Variants in TPD52L3 observed in about 807,000 individuals in gnomAD.
The protein encoded by TPD52L3 is tumor protein D55.
In TPD52L3, 12 loss-of-function variants were observed where a neutral mutation model predicts 8.7. That is an observed-to-expected ratio of 1.38 (90% CI 0.89 to 2.24). The LOEUF (loss-of-function observed/expected upper bound fraction) is 2.24, where lower values mean the gene tolerates loss of function less well. TPD52L3 is among the 30% of genes most tolerant of loss of function. The pLI is 0.00. For synonymous variants in TPD52L3, 79 were observed against 66.8 expected (o/e 1.18, Z -0.89); for missense variants, 207 against 158.7 (o/e 1.30, Z -1.64).
chr9:6,331,091 T>G lies in TPD52L3; in HGVS notation c.*72T>G. 1 of 1,521,582 alleles carries G rather than the reference T, an allele frequency of 6.6e-7. No individual in the cohort carries two copies. The highest frequency in any genetic ancestry group is 9.0e-7 in the Non-Finnish European group (1 of 1,108,598). 94.3% of individuals were successfully genotyped at this position (1,521,582 alleles called of 1,614,324 possible). A position where few individuals can be genotyped will look rare whatever the true frequency, so the allele number is the denominator to read the frequency against. On this transcript the variant is annotated 3_prime_UTR_variant, in exon 2 of 2. Coordinates refer to ENST00000314556, the MANE Select transcript of TPD52L3 (RefSeq NM_001001874.3). Reference sequence around the variant, plus strand: ...CAACATGAACTTGTTCACAAGTTCCTTCTGCTTTTAAACAAAAATATCGTG... The same window carrying G: ...CAACATGAACTTGTTCACAAGTTCCGTCTGCTTTTAAACAAAAATATCGTG...
At chr9:6,330,095 T>C (rs1818118856) in intron 1 of TPD52L3, 3 of 1,589,860 alleles carry the variant, frequency 1.9e-6, no homozygotes, top group Non-Finnish European at 2.6e-6. Flanking sequence ...AAAGAACGTC[T>C]GTCCCCTGTG....
rs984154550 is a variant in TPD52L3 at position 6,328,934 on chromosome 9, G to A, written c.339G>A (p.Lys113=). The change falls in exon 1 of 2, where the codon AAG becomes AAA. Residue 113 remains lysine (K), a synonymous_variant. Transcript: ENST00000314556. ...TLICRKLGGV[K]KSATFRSFEG... ...TCTGCAGGAAGCTTGGAGGCGTGAA[G>A]AAGTCGGCCACATTCAGATCTTTTG... 4 of 1,614,082 alleles carry A rather than the reference G, an allele frequency of 2.5e-6. No homozygotes were observed. In the African/African-American group the frequency reaches 5.3e-5, roughly 22 times the overall value.
rs1818143164 is a variant in TPD52L3, at chr9:6,331,119, T to C, written c.*100T>C. 7.6e-7 allele frequency: 1 copy of C among 1,322,758 alleles called. No homozygotes were observed. Among genetic ancestry groups the C allele is most frequent in the South Asian group, 1.3e-5 (1 of 75,772 alleles). The allele number at this position is 1,322,758 out of a possible 1,614,324, so 81.9% of individuals were successfully genotyped here. ...TGCTTTTAAACAAAAATATCGTGTT[T>C]ATTCAAAGCCAATCTGAGACCCTAC... On this transcript the variant is annotated 3_prime_UTR_variant, in exon 2 of 2. Transcript: ENST00000314556.
intron 1 of TPD52L3, chr9:6,329,421 T>C (rs1433242887): frequency 9.5e-7 from 1 of 1,053,544 alleles, no homozygotes; most frequent in Admixed American, 5.0e-5. Flanking sequence ...TTAGCTTTCC[T>C]GAGACTGTAT....
Position 6,328,557 on chromosome 9 carries a change from G to T in TPD52L3, c.-39G>T. On this transcript the variant is annotated 5_prime_UTR_variant, in exon 1 of 2. Transcript: ENST00000314556. ...ATTCGACTCTTTCTACCAAGAATTG[G>T]ACCTGGACTCTCTTAACGAAGATCT... The T allele has an allele frequency of 1.3e-6, 2 of 1,595,970 alleles. No individual in the cohort carries two copies. Among genetic ancestry groups the T allele is most frequent in the Non-Finnish European group, 1.7e-6 (2 of 1,173,414 alleles).
Position 6,328,939 on chromosome 9 carries a change from C to T in TPD52L3, c.344C>T (p.Ser115Leu), listed in dbSNP as rs751092913. The part of the protein sequence containing the change: ...ICRKLGGVKK[S>L]ATFRSFEGLI... ...AGGAAGCTTGGAGGCGTGAAGAAGT[C>T]GGCCACATTCAGATCTTTTGAAGGT... The change falls in exon 1 of 2, where the codon TCG becomes TTG. Residue 115 changes from serine (S) to leucine (L), a missense_variant. Transcript: ENST00000314556. 9.3e-6 allele frequency: 15 copies of T among 1,614,024 alleles called. No individual in the cohort carries two copies. In the African/African-American group the frequency reaches 1.2e-4, roughly 13 times the overall value.
intron 1 of TPD52L3, 133 bp downstream of exon 1, chr9:6,329,095 G>C (rs555288488): frequency 1.9e-6 from 3 of 1,547,828 alleles, no homozygotes; most frequent in Non-Finnish European, 2.6e-6. Context: ...CCAGATTCCG[G>C]GGAGTGGGAA....
At chr9:6,330,352 C>T in intron 1 of TPD52L3, 6 of 1,467,400 alleles carry the variant, frequency 4.1e-6, no homozygotes, top group Non-Finnish European at 5.4e-6. Flanking sequence ...GCCTCTTTCA[C>T]TCCTCTAGAC....
At chr9:6,330,328 G>A in intron 1 of TPD52L3, 1 of 1,518,866 alleles carries the variant, frequency 6.6e-7, no homozygotes, top group South Asian at 1.3e-5. Context: ...TTTTCAAAAT[G>A]CCAAGATCTG....
rs1033770358 is a variant in TPD52L3 at position 6,331,472 on chromosome 9, G to A, written c.*453G>A. 31 of 153,074 alleles carry A rather than the reference G, an allele frequency of 2.0e-4. No homozygotes were observed. Among genetic ancestry groups the A allele is most frequent in the Non-Finnish European group, 1.3e-4 (9 of 68,696 alleles). The allele number at this position is 153,074 out of a possible 1,614,324, so 9.5% of individuals were successfully genotyped here. ...TCTAGGAACTAACACTGTGGCTAGA[G>A]AGGAAGGGGAAATGGTGTTACATGA... On this transcript the variant is annotated 3_prime_UTR_variant, in exon 2 of 2. Coordinates refer to ENST00000314556, the MANE Select transcript of TPD52L3 (RefSeq NM_001001874.3).
At chr9:6,330,166 C>A (rs1440992475) in intron 1 of TPD52L3, 1 of 1,613,900 alleles carries the variant, frequency 6.2e-7, no homozygotes, top group African/African-American at 1.3e-5. Context: ...AACTCCAAGT[C>A]TGCCCTTCTT....
chr9:6,330,240 A>AACCTGGAC (rs767152580), intron 1 of TPD52L3: 1 of 1,607,994 alleles, frequency 6.2e-7, no homozygotes, highest in Admixed American at 1.7e-5. Flanking sequence ...AGACAGTAGG[A>AACCTGGAC]ACCTGGACGG....
chr9:6,328,981 A>G lies in TPD52L3; in HGVS notation c.367+19A>G. Reference sequence around the variant, plus strand: ...TTTGAAGGTCTGATGGGGACAATCAAGTCCAAAGTCTCAGGGGGCAAAAGA... The same window carrying G: ...TTTGAAGGTCTGATGGGGACAATCAGGTCCAAAGTCTCAGGGGGCAAAAGA... On this transcript the variant is annotated intron_variant, in intron 1 of 1. Transcript: ENST00000314556. 6.2e-7 allele frequency: 1 copy of G among 1,614,166 alleles called. No individual in the cohort carries two copies. Among genetic ancestry groups the G allele is most frequent in the Non-Finnish European group, 8.5e-7 (1 of 1,180,024 alleles).
intron 1 of TPD52L3, chr9:6,329,909 A>G (rs1818112817): frequency 1.6e-6 from 2 of 1,265,250 alleles, no homozygotes; most frequent in Middle Eastern, 3.0e-4. Context: ...TGAGTGTTTT[A>G]AAGTTTAACC....
intron 1 of TPD52L3, chr9:6,330,233 C>G: frequency 6.2e-7 from 1 of 1,611,796 alleles, no homozygotes; most frequent in Non-Finnish European, 8.5e-7. Context: ...GAGCTCAAGA[C>G]AGTAGGAACC....
At chr9:6,330,730 A>G (rs1164893113) in intron 1 of TPD52L3, 7 of 1,273,190 alleles carry the variant, frequency 5.5e-6, no homozygotes, top group Non-Finnish European at 7.0e-6. Flanking sequence ...CTGGAGAACA[A>G]GAGGTGAGCC....
rs888267997 is a variant in TPD52L3, at chr9:6,329,499, G to T, written c.367+537G>T. On this transcript the variant is annotated intron_variant, in intron 1 of 1. Transcript: ENST00000314556. ...GCCCAAACTCTCTTTTGGAAAACTA[G>T]CTTATTAGAAAGCCAAAGTAGAGTT... 8 of 1,011,274 alleles carry T rather than the reference G, an allele frequency of 7.9e-6. No homozygotes were observed. The Admixed American group carries it at 3.8e-4, about 48-fold the overall frequency. The allele number at this position is 1,011,274 out of a possible 1,614,324, so 62.6% of individuals were successfully genotyped here.
intron 1 of TPD52L3, chr9:6,330,651 A>C (rs1207782564): frequency 4.1e-5 from 49 of 1,187,452 alleles, no homozygotes; most frequent in Non-Finnish European, 4.6e-5. Context: ...GATTAAAACA[A>C]GATGTTTTAC....
At chr9:6,329,094 G>A (rs947919826) in intron 1 of TPD52L3, 132 bp downstream of exon 1, 9 of 1,547,628 alleles carry the variant, frequency 5.8e-6, no homozygotes, top group South Asian at 2.5e-5. Flanking sequence ...TCCAGATTCC[G>A]GGGAGTGGGA....
Sources: allele counts gnomAD v4.1 joint callset, GRCh38; gene constraint gnomAD v4.1.1; transcripts MANE v1.5; gene names NCBI Gene and HGNC (gene_info 2026-07-23, HGNC 2026-07-21).